The following ACAA2 variants were observed in gnomAD, a reference collection of about 807,000 sequenced individuals.
ACAA2 encodes the protein 3-ketoacyl-CoA thiolase, mitochondrial.
A neutral mutation model predicts 44.8 loss-of-function variants in ACAA2; 35 were observed. That is an observed-to-expected ratio of 0.78 (90% CI 0.60 to 1.04). The LOEUF (loss-of-function observed/expected upper bound fraction) is 1.04. Among genes scored for constraint, ACAA2 ranks in the 50% least tolerant of loss-of-function variants. ACAA2 has a pLI of 0.00. For missense variants in ACAA2, 468 were observed against 482.6 expected, an observed-to-expected ratio of 0.97 and a Z score of 0.28; for synonymous variants, 142 against 166.5, an observed-to-expected ratio of 0.85 and a Z score of 1.13.
chr18:49,811,324 C>T (rs896170046), intron 1 of ACAA2: 6 of 152,086 alleles, frequency 3.9e-5, no homozygotes, highest in African/African-American at 7.2e-5. Context: ...GCAACGAGGG[C>T]AAATTAAGGA....
chr18:49,799,282 C>T (rs1222968522), intron 2 of ACAA2, among the ~76,000 whole-genome samples: 1 of 151,966 alleles, frequency 6.6e-6, no homozygotes, highest in Non-Finnish European at 1.5e-5. Flanking sequence ...CTGGACTGTA[C>T]TGCTGCCATC....
intron 8 of ACAA2, 113 bp downstream of exon 8, chr18:49,787,178 C>A: frequency 1.2e-6 from 1 of 827,172 alleles, no homozygotes; most frequent in South Asian, 2.9e-5. Context: ...TTTGGAAAGG[C>A]TAACTACAAT....
intron 1 of ACAA2, among the ~76,000 whole-genome samples, chr18:49,804,067 G>C (rs2023586772): frequency 6.6e-6 from 1 of 151,876 alleles, no homozygotes. Context: ...CCCACCACCA[G>C]GCCCGGCTAA....
intron 1 of ACAA2, among the ~76,000 whole-genome samples, chr18:49,803,372 T>G (rs1030447596): frequency 6.6e-6 from 1 of 152,102 alleles, no homozygotes; most frequent in African/African-American, 2.4e-5. Flanking sequence ...TGTAAGCTAA[T>G]GCATGTAGCC....
chr18:49,802,812 A>G lies in ACAA2; in HGVS notation c.58T>C (p.Tyr20His). Residue 20 changes from tyrosine to histidine, a missense_variant, in exon 2 of 10, where the codon TAC becomes CAC. Physicochemically the swap from Tyr to His is moderately conservative, Grantham distance 83. Coordinates refer to ENST00000285093, the MANE Select transcript of ACAA2 (RefSeq NM_006111.3). ...VAAKRTPFGAYGGLLKDFTAT... is the reference protein window; with the variant it reads ...VAAKRTPFGAHGGLLKDFTAT... ...GTGAAGTCTTTCAGAAGGCCTCCGT[A>G]AGCTCCAAAGGGCGTTCGCTTAGCA... is the stretch of plus-strand genomic sequence containing the variant. The G allele has an allele frequency of 6.2e-7, 1 of 1,614,154 alleles. No individual in the cohort carries two copies. Among genetic ancestry groups the G allele is most frequent in the South Asian group, 1.1e-5 (1 of 91,080 alleles).
intron 9 of ACAA2, among the ~76,000 whole-genome samples, 165 bp downstream of exon 9, chr18:49,785,032 A>C (rs1025689885): frequency 2.6e-5 from 4 of 152,204 alleles, no homozygotes; most frequent in Non-Finnish European, 5.9e-5. Context: ...TGACTCATCT[A>C]TGAGACCAGA....
intron 7 of ACAA2, among the ~76,000 whole-genome samples, chr18:49,788,119 G>A (rs1298671090): frequency 2.0e-5 from 3 of 152,146 alleles, no homozygotes; most frequent in Non-Finnish European, 4.4e-5. Flanking sequence ...ATAAACTTTA[G>A]CTCCCAGATT....
At position 49,802,714 on chromosome 18, in the gene ACAA2, G is replaced by A. The variant is rs748101127; in HGVS notation, c.156C>T (p.Asp52=). 5 of 1,614,044 alleles carry A rather than the reference G, an allele frequency of 3.1e-6. No homozygotes were observed. Among genetic ancestry groups the A allele is most frequent in the Non-Finnish European group, 4.2e-6 (5 of 1,180,000 alleles). The change falls in exon 2 of 10, where the codon GAC becomes GAT. Residue 52 remains aspartate (D), a synonymous_variant. Coordinates refer to ENST00000285093, the MANE Select transcript of ACAA2 (RefSeq NM_006111.3). ...GCAGGACATTGCCCATAATCACACT[G>A]TCAACTGTTTCAGGTGAGACTTTGC... The part of the protein sequence containing the change: ...SAGKVSPETV[D]SVIMGNVLQS...
At chr18:49,786,913 T>C (rs747461329) in intron 8 of ACAA2, among the ~76,000 whole-genome samples, 5 of 152,150 alleles carry the variant, frequency 3.3e-5, no homozygotes, top group Non-Finnish European at 5.9e-5. Context: ...ACTTGTAGAT[T>C]TGGCACTAAA....
At chr18:49,797,318 G>T in intron 3 of ACAA2, 148 bp downstream of exon 3, 1 of 528,488 alleles carries the variant, frequency 1.9e-6, no homozygotes, top group Non-Finnish European at 3.1e-6. Context: ...GTTGCCCATG[G>T]CTGGAGTGCA....
chr18:49,790,356 T>TGAGTA (rs1303676245), intron 7 of ACAA2, among the ~76,000 whole-genome samples: 3 of 152,186 alleles, frequency 2.0e-5, no homozygotes, highest in African/African-American at 7.2e-5. Context: ...CAAATATGGT[T>TGAGTA]GAGTATTAAT....
At chr18:49,799,874 C>T (rs1374798481) in intron 2 of ACAA2, among the ~76,000 whole-genome samples, 42 of 146,198 alleles carry the variant, frequency 2.9e-4, no homozygotes, top group African/African-American at 1.0e-3. Flanking sequence ...GCCGCGACCC[C>T]ATCTGGGAGG....
At chr18:49,788,852 T>G (rs1247100646) in intron 7 of ACAA2, among the ~76,000 whole-genome samples, 1 of 152,156 alleles carries the variant, frequency 6.6e-6, no homozygotes, top group East Asian at 1.9e-4. Flanking sequence ...CAGGAAGGTT[T>G]AGTATTCTTG....
intron 1 of ACAA2, among the ~76,000 whole-genome samples, chr18:49,809,329 C>G (rs956986396): frequency 1.3e-5 from 2 of 152,104 alleles, no homozygotes; most frequent in South Asian, 2.1e-4. Flanking sequence ...CCTCAGCTTA[C>G]GAAGATAACG....
At chr18:49,787,805 T>C (rs2023351395) in intron 7 of ACAA2, among the ~76,000 whole-genome samples, 1 of 152,214 alleles carries the variant, frequency 6.6e-6, no homozygotes, top group African/African-American at 2.4e-5. Context: ...TTAGTTATGT[T>C]AATAGATTAT....
chr18:49,810,282 A>G (rs974903719), intron 1 of ACAA2, among the ~76,000 whole-genome samples: 2 of 152,224 alleles, frequency 1.3e-5, no homozygotes, highest in African/African-American at 4.8e-5. Context: ...AGCTTGGCAC[A>G]TCATTGTCAA....
intron 1 of ACAA2, among the ~76,000 whole-genome samples, chr18:49,808,451 A>G (rs1457140409): frequency 6.6e-6 from 1 of 152,224 alleles, no homozygotes; most frequent in Non-Finnish European, 1.5e-5. Context: ...ACGATGTCCT[A>G]TCATGGGAAC....
At chr18:49,791,156 G>GT (rs1410075785) in intron 7 of ACAA2, among the ~76,000 whole-genome samples, 1 of 152,126 alleles carries the variant, frequency 6.6e-6, no homozygotes, top group African/African-American at 2.4e-5. Flanking sequence ...TCAGGATCAC[G>GT]TAATTCTTCT....
At chr18:49,785,438 A>C in intron 8 of ACAA2, 87 bp from the exon 9 acceptor site, 1 of 1,317,256 alleles carries the variant, frequency 7.6e-7, no homozygotes, top group South Asian at 1.3e-5. Flanking sequence ...TCAACAGCTA[A>C]GTCTGCTGTT....
Sources: allele counts gnomAD v4.1 joint callset (sites outside exome capture counted in the v4.1 genomes callset), GRCh38; gene constraint gnomAD v4.1.1; transcripts MANE v1.5; gene names NCBI Gene and HGNC (gene_info 2026-07-23, HGNC 2026-07-21).